Variants in TEX14 observed in about 807,000 individuals in gnomAD.
The protein encoded by TEX14 is inactive serine/threonine-protein kinase TEX14.
A neutral mutation model predicts 178.6 loss-of-function variants in TEX14; 168 were observed. The observed-to-expected ratio is 0.94, with a 90% CI of 0.83 to 1.07. The LOEUF (loss-of-function observed/expected upper bound fraction) is 1.07. Among genes scored for constraint, TEX14 ranks in the 50% least tolerant of loss-of-function variants. The probability of loss-of-function intolerance (pLI) is 0.00; values close to 1 mark genes in which losing one functional copy is unlikely to be tolerated. For missense variants in TEX14, 1,730 were observed against 1,753.6 expected (o/e 0.99, Z 0.24); for synonymous variants, 626 against 634.1 (o/e 0.99, Z 0.19).
chr17:58,622,853 G>A lies in TEX14; in HGVS notation c.411C>T (p.Ser137=). 1 of 1,607,740 alleles carries A rather than the reference G, an allele frequency of 6.2e-7. No individual in the cohort carries two copies. The highest frequency in any genetic ancestry group is 8.5e-7 in the Non-Finnish European group (1 of 1,175,510). The part of the protein sequence containing the change: ...TWALTAGKER[S]TQIVEFMQRC... ...GAGTGGGACCCACCCTTACCTGGGT[G>A]CTACGCTCCTTTCCTGCTGTCAAAG... The change falls in exon 4 of 32, where the codon AGC becomes AGT. Residue 137 remains serine, a synonymous_variant. Coordinates refer to ENST00000349033, the MANE Select transcript of TEX14 (RefSeq NM_031272.5).
chr17:58,611,802 G>A lies in TEX14; in HGVS notation c.1006-463C>T, dbSNP rs2045752100. 2.0e-5 allele frequency among the ~76,000 whole-genome samples: 3 copies of A among 152,162 alleles called. No individual in the cohort carries two copies. In the South Asian group the frequency reaches 6.2e-4, roughly 32 times the overall value. ...ATGAGACAGAAAGTGCCTCCTAAGG[G>A]GACAGAAATTCACTCACATCAATGC... On this transcript the variant is annotated intron_variant, in intron 9 of 31. Coordinates refer to ENST00000349033, the MANE Select transcript of TEX14 (RefSeq NM_031272.5).
intron 27 of TEX14, 43 bp downstream of exon 27, chr17:58,565,704 C>A: frequency 6.9e-7 from 1 of 1,451,838 alleles, no homozygotes; most frequent in Non-Finnish European, 9.6e-7. Context: ...CCAAGGACAG[C>A]GTTAAAAGAA....
At chr17:58,629,455 G>GTCT (rs2046228863) in intron 3 of TEX14, among the ~76,000 whole-genome samples, 1 of 120,048 alleles carries the variant, frequency 8.3e-6, no homozygotes, top group African/African-American at 3.2e-5. Flanking sequence ...CCATGTGTCA[G>GTCT]GAAAAAAAAA....
At chr17:58,611,372 A>T in intron 9 of TEX14, 33 bp from the exon 10 acceptor site, 1 of 1,560,638 alleles carries the variant, frequency 6.4e-7, no homozygotes, top group Non-Finnish European at 8.8e-7. Flanking sequence ...CACGAAAAAA[A>T]AAAGGACTGG....
chr17:58,624,143 G>C (rs2046075219), intron 3 of TEX14, among the ~76,000 whole-genome samples: 1 of 151,824 alleles, frequency 6.6e-6, no homozygotes, highest in Non-Finnish European at 1.5e-5. Context: ...AATTAGCCGG[G>C]CGTAGGTGGT....
At chr17:58,631,754 T>A (rs925168758) in intron 2 of TEX14, 29 of 150,482 alleles carry the variant, frequency 1.9e-4, no homozygotes, top group African/African-American at 6.5e-4. Flanking sequence ...AATATCTCCC[T>A]CTCGCGGTTT....
rs150896699 is a variant in TEX14 at position 58,571,973 on chromosome 17, A to G, written c.3665T>C (p.Leu1222Pro). The change falls in exon 24 of 32, where the codon CTG becomes CCG. Residue 1222 changes from leucine to proline, a missense_variant. Coordinates refer to ENST00000349033, the MANE Select transcript of TEX14 (RefSeq NM_031272.5). ...TTCAGAGGAAGTAAGGAGAGAATCC[A>G]GTTTCTTTGCTCTCTCTCGGACACT... ...FISVRERAKKLDSLLTSSETP... is the reference protein window; with the variant it reads ...FISVRERAKKPDSLLTSSETP... 4.2e-5 allele frequency: 68 copies of G among 1,614,080 alleles called. No individual in the cohort carries two copies. Among genetic ancestry groups the G allele is most frequent in the Admixed American group, 6.7e-5 (4 of 60,008 alleles).
rs148217205 is a variant in TEX14 at position 58,588,422 on chromosome 17, T to C, written c.2577-401A>G. ...AATTCTCATGCCTCAGCTTCCCAAG[T>C]AGCTGGGATTACACATGCACGCCAC... On this transcript the variant is annotated intron_variant, in intron 15 of 31. Transcript: ENST00000349033. Among the ~76,000 whole-genome samples, 52 of 152,326 alleles carry C rather than the reference T, an allele frequency of 3.4e-4. No homozygotes were observed. In the East Asian group the frequency reaches 4.8e-3, roughly 14 times the overall value.
Position 58,586,076 on chromosome 17 carries a change from A to T in TEX14, c.2795T>A (p.Val932Glu). The change falls in exon 18 of 32, where the codon GTG becomes GAG. Residue 932 changes from valine (V) to glutamate (E), a missense_variant. Val to Glu is a moderately radical substitution (Grantham distance 121). Around this residue, in one of 2 missense-constraint regions of TEX14, gnomAD observed 941 missense variants for 1,072.4 expected, o/e 0.88. Transcript: ENST00000349033. ...AGCTGCTTTCTTTGCCATTTCTTTC[A>T]CCTCCACTGTGCATAAGAGAAAGCA... is the stretch of plus-strand genomic sequence containing the variant. ...GKVHLKWKME[V>E]KEMAKKAATG... The T allele has an allele frequency of 6.2e-7, 1 of 1,611,742 alleles. No individual in the cohort carries two copies. Among genetic ancestry groups the T allele is most frequent in the Non-Finnish European group, 8.5e-7 (1 of 1,178,350 alleles).
At chr17:58,559,395 G>A (rs997412386) in intron 30 of TEX14, 58 bp downstream of exon 30, 2 of 733,256 alleles carry the variant, frequency 2.7e-6, no homozygotes, top group African/African-American at 3.6e-5. Context: ...AAATAACTTT[G>A]AAGCACATCA....
intron 1 of TEX14, among the ~76,000 whole-genome samples, chr17:58,664,061 C>A (rs2047165617): frequency 6.6e-6 from 1 of 152,168 alleles, no homozygotes; most frequent in African/African-American, 2.4e-5. Context: ...AAAAAAACAA[C>A]AGCAAAAACC....
Position 58,684,393 on chromosome 17 carries a change from C to T in TEX14, c.-2+7546G>A, listed in dbSNP as rs186732721. ...AGGAGAATCGCTTGAACACGGGAGG[C>T]GGAGGTTGGAGTGAGCTGAGATCAC... On this transcript the variant is annotated intron_variant, in intron 1 of 31. Transcript: ENST00000349033. Among the ~76,000 whole-genome samples, 102 of 150,852 alleles carry T rather than the reference C, an allele frequency of 6.8e-4. 1 individual carries two copies. Among genetic ancestry groups the T allele is most frequent in the African/African-American group, 2.4e-3 (100 of 41,006 alleles).
At chr17:58,589,420 G>C (rs2045066490) in intron 15 of TEX14, among the ~76,000 whole-genome samples, 1 of 150,584 alleles carries the variant, frequency 6.6e-6, no homozygotes, top group African/African-American at 2.5e-5. Flanking sequence ...AAATTAGCTG[G>C]GCATGGTGGC....
At chr17:58,608,113 T>A (rs556577241) in intron 10 of TEX14, among the ~76,000 whole-genome samples, 8 of 151,964 alleles carry the variant, frequency 5.3e-5, no homozygotes, top group Admixed American at 3.9e-4. Flanking sequence ...CGTGACCTTA[T>A]CTCTATAAAA....
intron 2 of TEX14, among the ~76,000 whole-genome samples, chr17:58,650,656 C>G (rs2046821121): frequency 6.6e-6 from 1 of 151,728 alleles, no homozygotes; most frequent in African/African-American, 2.4e-5. Context: ...GAGACAGGGT[C>G]TCACAGTGTT....
At position 58,588,737 on chromosome 17, in the gene TEX14, AT is replaced by A. The variant is rs767596193; in HGVS notation, c.2577-717del. Among the ~76,000 whole-genome samples, 6 of 152,186 alleles carry A rather than the reference AT, an allele frequency of 3.9e-5. No homozygotes were observed. In the South Asian group the frequency reaches 1.2e-3, roughly 32 times the overall value. Reference sequence around the variant, plus strand: ...AATCTCTCTAGGCCAAGGCTTCCTCATTTGCAACATAAAGGCGTCTTTTTTT... The same window carrying A: ...AATCTCTCTAGGCCAAGGCTTCCTCATTGCAACATAAAGGCGTCTTTTTTT... On this transcript the variant is annotated intron_variant, in intron 15 of 31. Coordinates refer to ENST00000349033, the MANE Select transcript of TEX14 (RefSeq NM_031272.5).
At chr17:58,629,114 T>G (rs1328771430) in intron 3 of TEX14, among the ~76,000 whole-genome samples, 1 of 152,072 alleles carries the variant, frequency 6.6e-6, no homozygotes, top group Non-Finnish European at 1.5e-5. Flanking sequence ...CAAGAAGGTG[T>G]CAAATAAGCT....
At chr17:58,688,941 T>C (rs190286129) in intron 1 of TEX14, among the ~76,000 whole-genome samples, 3 of 151,874 alleles carry the variant, frequency 2.0e-5, no homozygotes, top group African/African-American at 7.2e-5. Context: ...ATACATATAT[T>C]TTTTTTTGAG....
At chr17:58,588,061 T>A in intron 15 of TEX14, 40 bp from the exon 16 acceptor site, 1 of 795,584 alleles carries the variant, frequency 1.3e-6, no homozygotes, top group Non-Finnish European at 2.2e-6. Flanking sequence ...TCTCTAAGAG[T>A]ATTTTTAGTT....
Sources: gnomAD v4.1 joint callset for allele counts (sites outside exome capture counted in the v4.1 genomes callset) on GRCh38, gnomAD v4.1.1 for gene constraint, gnomAD v4.1.1 regional missense constraint, MANE v1.5 for transcripts, NCBI Gene and HGNC (gene_info 2026-07-23, HGNC 2026-07-21) for gene names.